NECAB1: variants seen among roughly 807,000 people sequenced by gnomAD.
NECAB1 encodes the protein N-terminal EF-hand calcium binding protein 1.
NECAB1 carries 29 observed loss-of-function variants against 57.5 expected under a neutral mutation model. The ratio of observed to expected loss-of-function variants is 0.50; its 90% CI spans 0.38 to 0.69. The LOEUF (loss-of-function observed/expected upper bound fraction) is 0.69. Ranked by LOEUF, NECAB1 falls within the 30% of genes least tolerant of loss-of-function variation. The probability of loss-of-function intolerance (pLI) is 0.00; values close to 1 mark genes in which losing one functional copy is unlikely to be tolerated. For missense variants in NECAB1, 372 were observed against 413.8 expected (o/e 0.90, Z 0.88); for synonymous variants, 142 against 147.7 (o/e 0.96, Z 0.28).
intron 8 of NECAB1, among the ~76,000 whole-genome samples, chr8:90,933,036 T>C (rs750589605): frequency 1.3e-5 from 2 of 152,118 alleles, no homozygotes; most frequent in African/African-American, 2.4e-5. Context: ...GATACTACCT[T>C]ACTCCTGCAA....
intron 5 of NECAB1, among the ~76,000 whole-genome samples, chr8:90,914,707 G>C (rs1042523494): frequency 2.0e-5 from 3 of 152,162 alleles, no homozygotes; most frequent in South Asian, 2.1e-4. Flanking sequence ...GATTTGCTAT[G>C]GTGGAGCAAT....
chr8:90,801,615 A>C (rs1255034746), intron 1 of NECAB1, 76 bp from the exon 2 acceptor site: 1 of 851,086 alleles, frequency 1.2e-6, no homozygotes, highest in East Asian at 2.8e-5. Context: ...ATTATGAATA[A>C]ATTATGTGTA....
intron 2 of NECAB1, among the ~76,000 whole-genome samples, chr8:90,807,089 A>G (rs1387987885): frequency 1.3e-5 from 2 of 152,188 alleles, no homozygotes; most frequent in African/African-American, 4.8e-5. Context: ...ATTTGTATAC[A>G]TCTTGAATAT....
chr8:90,909,586 C>T (rs1026805840), intron 5 of NECAB1, among the ~76,000 whole-genome samples: 4 of 152,020 alleles, frequency 2.6e-5, no homozygotes, highest in Admixed American at 1.3e-4. Flanking sequence ...ATTCTTGGCT[C>T]TATTTTAAAT....
chr8:90,810,722 T>C lies in NECAB1; in HGVS notation c.124+9007T>C, dbSNP rs575761596. On this transcript the variant is annotated intron_variant, in intron 2 of 12. Coordinates refer to ENST00000417640, the MANE Select transcript of NECAB1 (RefSeq NM_022351.5). The stretch of plus-strand genomic sequence containing the variant: ...ATAAAAAAACTGAGCCCTTACAAAA[T>C]TTTACGTTACTAGGAAAAATTATAT... 2.9e-3 allele frequency among the ~76,000 whole-genome samples: 437 copies of C among 152,184 alleles called. 7 individuals are homozygous for C. Among genetic ancestry groups the C allele is most frequent in the Non-Finnish European group, 7.8e-4 (53 of 68,008 alleles).
intron 5 of NECAB1, chr8:90,904,013 G>A (rs1809573634): frequency 6.6e-6 from 1 of 152,048 alleles, no homozygotes; most frequent in South Asian, 2.1e-4. Flanking sequence ...AGTGATCCAG[G>A]GCACCAAATA....
At chr8:90,844,775 T>G (rs1360343777) in intron 3 of NECAB1, among the ~76,000 whole-genome samples, 1 of 137,484 alleles carries the variant, frequency 7.3e-6, no homozygotes, top group Non-Finnish European at 1.5e-5. Flanking sequence ...GACTTAGTTA[T>G]TACTGAGCTA....
At chr8:90,801,988 A>T (rs754402640) in intron 2 of NECAB1, among the ~76,000 whole-genome samples, 1 of 152,178 alleles carries the variant, frequency 6.6e-6, no homozygotes, top group African/African-American at 2.4e-5. Context: ...ACCAAAAAAT[A>T]ATTTTGCAGC....
At chr8:90,840,797 C>G (rs1232006353) in intron 3 of NECAB1, among the ~76,000 whole-genome samples, 1 of 151,972 alleles carries the variant, frequency 6.6e-6, no homozygotes, top group Non-Finnish European at 1.5e-5. Context: ...GCAGTACCAG[C>G]GAAGCCAGAC....
At chr8:90,877,037 G>A (rs1485178461) in intron 4 of NECAB1, among the ~76,000 whole-genome samples, 1 of 152,150 alleles carries the variant, frequency 6.6e-6, no homozygotes, top group Non-Finnish European at 1.5e-5. Flanking sequence ...ATATACATTT[G>A]CCCTACTCAC....
At chr8:90,878,983 T>A (rs1277020389) in intron 4 of NECAB1, among the ~76,000 whole-genome samples, 1 of 144,378 alleles carries the variant, frequency 6.9e-6, no homozygotes, top group Non-Finnish European at 1.5e-5. Flanking sequence ...TCTCTCTCTC[T>A]ACATATATTA....
chr8:90,857,357 T>C (rs1812812508), intron 3 of NECAB1, among the ~76,000 whole-genome samples: 1 of 152,166 alleles, frequency 6.6e-6, no homozygotes, highest in South Asian at 2.1e-4. Context: ...GAAAACAATG[T>C]TCAGACACAG....
At chr8:90,928,867 AT>A (rs1386437490) in intron 8 of NECAB1, among the ~76,000 whole-genome samples, 1 of 152,118 alleles carries the variant, frequency 6.6e-6, no homozygotes, top group African/African-American at 2.4e-5. Context: ...GTTCTTAGTT[AT>A]TGTTTTTTTA....
intron 5 of NECAB1, among the ~76,000 whole-genome samples, chr8:90,917,096 T>C (rs1180028130): frequency 6.6e-6 from 1 of 152,164 alleles, no homozygotes; most frequent in Non-Finnish European, 1.5e-5. Context: ...ATAGTGAAAA[T>C]ATATGATGGC....
At chr8:90,952,692 G>A (rs914812629) in intron 12 of NECAB1, among the ~76,000 whole-genome samples, 79 of 152,096 alleles carry the variant, frequency 5.2e-4, no homozygotes, top group African/African-American at 1.8e-3. Context: ...CAGGAGAATT[G>A]CTTGAACCCA....
intron 5 of NECAB1, among the ~76,000 whole-genome samples, chr8:90,909,280 A>G (rs1391729502): frequency 6.6e-6 from 1 of 152,098 alleles, no homozygotes; most frequent in Non-Finnish European, 1.5e-5. Context: ...TATATGGTCT[A>G]TGAACATAGT....
chr8:90,791,845 C>G lies in NECAB1; in HGVS notation c.-42C>G. 1 of 1,490,958 alleles carries G rather than the reference C, an allele frequency of 6.7e-7. No homozygotes were observed. The highest frequency in any genetic ancestry group is 2.5e-5 in the East Asian group (1 of 40,298). The allele number at this position is 1,490,958 out of a possible 1,614,324, so 92.4% of individuals were successfully genotyped here. ...GCGCCCTTGCCAGAGCCGGTGCGTC[C>G]GCCTAGCCCCGCTCCGCCTGAGGCC... is the stretch of plus-strand genomic sequence containing the variant. On this transcript the variant is annotated 5_prime_UTR_variant, in exon 1 of 13. Transcript: ENST00000417640.
intron 3 of NECAB1, among the ~76,000 whole-genome samples, chr8:90,855,789 G>A (rs1312921912): frequency 1.3e-5 from 2 of 152,110 alleles, no homozygotes; most frequent in African/African-American, 4.8e-5. Flanking sequence ...CTGATGAGTG[G>A]GTGGTCAGTT....
chr8:90,906,883 A>ATATATGTATATATATATATGTATG (rs1554574051), intron 5 of NECAB1, among the ~76,000 whole-genome samples: 2 of 80,758 alleles, frequency 2.5e-5, no homozygotes. Flanking sequence ...ACACATATAT[A>ATATATGTATATATATATATGTATG]TATATATATA....
Sources: allele counts gnomAD v4.1 joint callset (sites outside exome capture counted in the v4.1 genomes callset), GRCh38; gene constraint gnomAD v4.1.1; transcripts MANE v1.5; gene names NCBI Gene and HGNC (gene_info 2026-07-23, HGNC 2026-07-21).